The following ZC3H13 variants were observed in gnomAD, a reference collection of about 807,000 sequenced individuals.
ZC3H13 encodes the protein zinc finger CCCH domain-containing protein 13.
In ZC3H13, 64 loss-of-function variants were observed where a neutral mutation model predicts 204.1. The observed-to-expected ratio is 0.31, with a 90% CI of 0.26 to 0.39. The LOEUF (loss-of-function observed/expected upper bound fraction) is 0.39. Among genes scored for constraint, ZC3H13 ranks in the 10% least tolerant of loss-of-function variants. The pLI, the probability that ZC3H13 is intolerant of heterozygous loss-of-function variation, is 1.00. For synonymous variants in ZC3H13, 667 were observed against 693.7 expected, an observed-to-expected ratio of 0.96 and a Z score of 0.60; for missense variants, 1,833 against 2,082.7, an observed-to-expected ratio of 0.88 and a Z score of 2.33.
chr13:45,997,420 C>A (rs1245725443), intron 8 of ZC3H13, among the ~76,000 whole-genome samples: 4 of 152,104 alleles, frequency 2.6e-5, no homozygotes, highest in African/African-American at 9.7e-5. Flanking sequence ...AAATCATGAA[C>A]TTTTCTAGAA....
chr13:45,996,109 G>A (rs2040316432), intron 8 of ZC3H13, among the ~76,000 whole-genome samples: 2 of 152,102 alleles, frequency 1.3e-5, no homozygotes, highest in African/African-American at 2.4e-5. Context: ...AAGATTTTGT[G>A]TTTAAACCCT....
At chr13:46,015,374 T>C (rs2041850050) in intron 5 of ZC3H13, among the ~76,000 whole-genome samples, 1 of 152,182 alleles carries the variant, frequency 6.6e-6, no homozygotes, top group Admixed American at 6.6e-5. Flanking sequence ...TCATTATATG[T>C]CTATATAGTA....
intron 4 of ZC3H13, among the ~76,000 whole-genome samples, chr13:46,024,457 T>C (rs147974710): frequency 2.0e-5 from 3 of 152,336 alleles, no homozygotes; most frequent in Admixed American, 6.5e-5. Context: ...TTTGGGTTGA[T>C]AGGTTTATCT....
intron 5 of ZC3H13, among the ~76,000 whole-genome samples, chr13:46,017,180 C>G (rs996329732): frequency 5.9e-5 from 9 of 152,078 alleles, no homozygotes; most frequent in African/African-American, 9.7e-5. Context: ...AAGAAGATGG[C>G]TAGGTAACAG....
At chr13:45,984,228 GA>G (rs1416399840) in intron 10 of ZC3H13, among the ~76,000 whole-genome samples, 1 of 152,152 alleles carries the variant, frequency 6.6e-6, no homozygotes, top group African/African-American at 2.4e-5. Context: ...AACCAGAGGG[GA>G]AAACAAATGG....
At chr13:45,970,889 TA>T (rs1407856701) in intron 12 of ZC3H13, among the ~76,000 whole-genome samples, 2 of 152,204 alleles carry the variant, frequency 1.3e-5, no homozygotes, top group African/African-American at 4.8e-5. Flanking sequence ...GTAAAAAAGC[TA>T]TGAGTTCAAC....
In ZC3H13 at chr13:45,955,609, CAAT is replaced by C. The variant is rs1366814638; in HGVS notation, c.*1515_*1517del. On this transcript the variant is annotated 3_prime_UTR_variant, in exon 19 of 19. Coordinates refer to ENST00000679008, the MANE Select transcript of ZC3H13 (RefSeq NM_001330564.2). ...CTTTAAATCTTTGTGCTACAGAGAA[CAAT>C]ATTATCCACTAAAATCAGGAAGTGG... is the stretch of plus-strand genomic sequence containing the variant. 1.3e-5 allele frequency: 2 copies of C among 151,988 alleles called. No homozygotes were observed. The highest frequency in any genetic ancestry group is 4.8e-5 in the African/African-American group (2 of 41,408). The allele number at this position is 151,988 out of a possible 1,614,324, so 9.4% of individuals were successfully genotyped here.
At chr13:46,008,182 C>A (rs1448194371) in intron 7 of ZC3H13, among the ~76,000 whole-genome samples, 1 of 151,742 alleles carries the variant, frequency 6.6e-6, no homozygotes, top group Non-Finnish European at 1.5e-5. Flanking sequence ...TTAAAATACT[C>A]CACTGAGTTT....
intron 4 of ZC3H13, among the ~76,000 whole-genome samples, chr13:46,030,511 C>A (rs2042826710): frequency 6.6e-6 from 1 of 152,080 alleles, no homozygotes; most frequent in Non-Finnish European, 1.5e-5. Flanking sequence ...GTTCTTTTTT[C>A]AAGATCTTCC....
In ZC3H13 at chr13:45,967,882, T is replaced by A; in HGVS notation, c.3943A>T (p.Arg1315Trp). 6.2e-7 allele frequency: 1 copy of A among 1,613,352 alleles called. No individual in the cohort carries two copies. Among genetic ancestry groups the A allele is most frequent in the African/African-American group, 1.3e-5 (1 of 74,984 alleles). ...CATTCTCTCTGCCTCGTATCTCTCC[T>A]CTCTCTCTCGCGCTCTCTGTCGTGT... is the stretch of plus-strand genomic sequence containing the variant. Reference protein sequence around the residue: ...YEHDRERERERRDTRQREWDR... With the variant: ...YEHDREREREWRDTRQREWDR... The change falls in exon 15 of 19, where the codon AGG becomes TGG. Residue 1315 changes from arginine to tryptophan, a missense_variant. Around this residue, in one of 5 missense-constraint regions of ZC3H13, gnomAD observed 1,574 missense variants for 1,757.2 expected, o/e 0.90. Coordinates refer to ENST00000679008, the MANE Select transcript of ZC3H13 (RefSeq NM_001330564.2).
intron 4 of ZC3H13, among the ~76,000 whole-genome samples, chr13:46,025,659 C>T (rs1456450203): frequency 6.6e-6 from 1 of 152,078 alleles, no homozygotes; most frequent in Non-Finnish European, 1.5e-5. Flanking sequence ...AATCCTATTG[C>T]TCTAAAAATA....
In ZC3H13 at chr13:45,983,730, TCTA is replaced by T. The variant is rs111828259; in HGVS notation, c.1720+1564_1720+1566del. 1.3e-4 allele frequency among the ~76,000 whole-genome samples: 20 copies of T among 152,040 alleles called. 1 individual carries two copies. Among genetic ancestry groups the T allele is most frequent in the African/African-American group, 4.8e-4 (20 of 41,452 alleles). On this transcript the variant is annotated intron_variant, in intron 10 of 18. Transcript: ENST00000679008. The stretch of plus-strand genomic sequence containing the variant: ...GCGTGAGCCACCGCGCCCGGCCCCT[TCTA>T]CTTATATTTAACACTGTATTGATAA...
In ZC3H13 at chr13:45,969,888, G is replaced by C. The variant is rs1404426745; in HGVS notation, c.2656C>G (p.Gln886Glu). Residue 886 changes from glutamine to glutamate, a missense_variant, in exon 14 of 19, where the codon CAG (glutamine) becomes GAG (glutamate). Physicochemically the swap from Gln to Glu is conservative, Grantham distance 29 (BLOSUM62 2). Around this residue, in one of 5 missense-constraint regions of ZC3H13, gnomAD observed 1,574 missense variants for 1,757.2 expected, o/e 0.90. Transcript: ENST00000679008. ...CGATCCTCCTCTTTCCATCTACCCT[G>C]TCTGTCTTCTGTGAGGTGCGAGGGA... ...LSPSHLTEDR[Q>E]GRWKEEDRKP... The C allele has an allele frequency of 6.2e-7, 1 of 1,613,656 alleles. No individual in the cohort carries two copies. The highest frequency in any genetic ancestry group is 8.5e-7 in the Non-Finnish European group (1 of 1,180,008).
rs201819391 is a variant in ZC3H13, at chr13:45,985,347, T to C, written c.1670A>G (p.Asn557Ser). The change falls in exon 10 of 19, where the codon AAT (asparagine) becomes AGT (serine). Residue 557 changes from asparagine to serine, a missense_variant. Physicochemically the swap from Asn to Ser is conservative, Grantham distance 46 (BLOSUM62 1). Around this residue, in one of 5 missense-constraint regions of ZC3H13, gnomAD observed 1,574 missense variants for 1,757.2 expected, o/e 0.90. Coordinates refer to ENST00000679008, the MANE Select transcript of ZC3H13 (RefSeq NM_001330564.2). ...SRNESRSEIR[N>S]DRMGRSRGRV... ...CCCCCTACTTCGGCCCATTCGGTCA[T>C]TTCTAATTTCACTTCGAGACTCATT... 2,071 of 1,614,224 alleles carry C rather than the reference T, an allele frequency of 1.3e-3. 47 individuals are homozygous for C. In the South Asian group the frequency reaches 0.02, roughly 16 times the overall value.
At chr13:45,983,495 C>T (rs1468888463) in intron 10 of ZC3H13, among the ~76,000 whole-genome samples, 49 of 132,210 alleles carry the variant, frequency 3.7e-4, no homozygotes, top group African/African-American at 1.2e-3. Context: ...GGCGCTATCC[C>T]GGCTCACTGC....
intron 9 of ZC3H13, among the ~76,000 whole-genome samples, chr13:45,988,396 T>C (rs867746487): frequency 1.3e-5 from 2 of 152,192 alleles, no homozygotes; most frequent in Non-Finnish European, 2.9e-5. Context: ...TAGCTAGGAC[T>C]ACAGGTGCAT....
chr13:45,980,732 G>A (rs1953504858), intron 10 of ZC3H13, among the ~76,000 whole-genome samples: 1 of 152,188 alleles, frequency 6.6e-6, no homozygotes, highest in Non-Finnish European at 1.5e-5. Flanking sequence ...ACACATAAGA[G>A]GTTGCCAGGG....
At chr13:45,999,143 G>A (rs573066792) in intron 8 of ZC3H13, among the ~76,000 whole-genome samples, 1 of 152,288 alleles carries the variant, frequency 6.6e-6, no homozygotes, top group East Asian at 1.9e-4. Flanking sequence ...GGGAGGGTGA[G>A]GTGGGAGGAT....
rs972748524 is a variant in ZC3H13, at chr13:45,955,173, G to A, written c.*1954C>T. On this transcript the variant is annotated 3_prime_UTR_variant, in exon 19 of 19. Coordinates refer to ENST00000679008, the MANE Select transcript of ZC3H13 (RefSeq NM_001330564.2). ...TTTATAGACTGGAAGATTGTTTTTC[G>A]GGAATACCAGTTTAACTGAGACTTT... 1.3e-5 allele frequency: 2 copies of A among 152,060 alleles called. No individual in the cohort carries two copies. The highest frequency in any genetic ancestry group is 4.8e-5 in the African/African-American group (2 of 41,398). The allele number at this position is 152,060 out of a possible 1,614,324, so 9.4% of individuals were successfully genotyped here. A position where few individuals can be genotyped will look rare whatever the true frequency, so the allele number is the denominator to read the frequency against.
Sources: gnomAD v4.1 joint callset for allele counts (sites outside exome capture counted in the v4.1 genomes callset) on GRCh38, gnomAD v4.1.1 for gene constraint, gnomAD v4.1.1 regional missense constraint, MANE v1.5 for transcripts, NCBI Gene and HGNC (gene_info 2026-07-23, HGNC 2026-07-21) for gene names.